The following FAM151A variants were observed in gnomAD, a reference collection of about 807,000 sequenced individuals.
The protein encoded by FAM151A is protein FAM151A.
Under a neutral mutation model 40.4 loss-of-function variants are expected in FAM151A, and 41 were observed. The observed-to-expected ratio is 1.01, with a 90% confidence interval of 0.79 to 1.32. The LOEUF (loss-of-function observed/expected upper bound fraction) is 1.32. Among genes scored for constraint, FAM151A ranks in the 40% most tolerant of loss-of-function variants. The pLI is 0.00. For synonymous variants in FAM151A, 337 were observed against 312.5 expected, an observed-to-expected ratio of 1.08 and a Z score of -0.83; for missense variants, 740 against 740.4, an observed-to-expected ratio of 1.00 and a Z score of 0.01.
rs551901825 is a variant in FAM151A, at chr1:54,609,652, C to T, written c.1374G>A (p.Val458=). 3.1e-6 allele frequency: 5 copies of T among 1,614,036 alleles called. No individual in the cohort carries two copies. In the Admixed American group the frequency reaches 8.3e-5, roughly 27 times the overall value. ...SHGSFSVPGH[V]AGRELLTAVA... The stretch of plus-strand genomic sequence containing the variant: ...CAGCTGTAAGCAGCTCTCTGCCAGC[C>T]ACATGGCCGGGGACCGAAAAACTCC... Residue 458 remains valine, a synonymous_variant, in exon 8 of 8, where the codon GTG becomes GTA. Coordinates refer to ENST00000302250, the MANE Select transcript of FAM151A (RefSeq NM_176782.3).
In FAM151A at chr1:54,616,104, G is replaced by A; in HGVS notation, c.331C>T (p.Pro111Ser). The stretch of plus-strand genomic sequence containing the variant: ...ATAGTGGGGGGGTGTGCCATGATGG[G>A]AACTCCTGTCTCATTGGCTGTGCCG... ...GLGTANETGV[P>S]IMAHPPTIYS... The change falls in exon 3 of 8, where the codon CCC becomes TCC. Residue 111 changes from proline to serine, a missense_variant. By Grantham distance (74) the Pro-to-Ser change is moderately conservative. Coordinates refer to ENST00000302250, the MANE Select transcript of FAM151A (RefSeq NM_176782.3). The A allele has an allele frequency of 6.2e-7, 1 of 1,614,138 alleles. No homozygotes were observed. Among genetic ancestry groups the A allele is most frequent in the Non-Finnish European group, 8.5e-7 (1 of 1,180,008 alleles).
In FAM151A at chr1:54,609,959, G is replaced by A. The variant is rs1310003494; in HGVS notation, c.1085-18C>T. The A allele has an allele frequency of 6.3e-7, 1 of 1,594,296 alleles. No homozygotes were observed. The highest frequency in any genetic ancestry group is 8.5e-7 in the Non-Finnish European group (1 of 1,174,994). On this transcript the variant is annotated intron_variant, in intron 7 of 7. Transcript: ENST00000302250. Reference sequence around the variant, plus strand: ...TTCTGTGTCTGGAAGAGGCGGCAGAGGCAACAGTGTTTAGGATTTGGGTTA... The same window carrying A: ...TTCTGTGTCTGGAAGAGGCGGCAGAAGCAACAGTGTTTAGGATTTGGGTTA...
rs1644131136 is a variant in FAM151A, at chr1:54,612,606, A to G, written c.680T>C (p.Met227Thr). 2 of 1,613,882 alleles carry G rather than the reference A, an allele frequency of 1.2e-6. No homozygotes were observed. Among genetic ancestry groups the G allele is most frequent in the African/African-American group, 2.7e-5 (2 of 74,860 alleles). The change falls in exon 5 of 8, where the codon ATG (methionine) becomes ACG (threonine). Residue 227 changes from methionine to threonine, a missense_variant. Transcript: ENST00000302250. ...TSPNRTYTQA[M>T]VEKMHELVGG... ...CACCAGCTCGTGCATCTTCTCCACC[A>G]TGGCTTGGGTGTACGTCCTGTTTGG...
At position 54,609,580 on chromosome 1, in the gene FAM151A, C is replaced by T. The variant is rs1644086986; in HGVS notation, c.1446G>A (p.Glu482=). Residue 482 remains glutamate, a synonymous_variant, in exon 8 of 8, where the codon GAG becomes GAA. Transcript: ENST00000302250. ...PHVTVAPGWP[E]EVLGSGYREQ... ...CCCTGTAGCCACTGCCCAGCACCTC[C>T]TCAGGCCAGCCTGGTGCCACAGTCA... 6.2e-7 allele frequency: 1 copy of T among 1,613,054 alleles called. No homozygotes were observed.
At position 54,610,262 on chromosome 1, in the gene FAM151A, C is replaced by T; in HGVS notation, c.1084+150G>A. 3.4e-6 allele frequency: 5 copies of T among 1,477,364 alleles called. No individual in the cohort carries two copies. In the Admixed American group the frequency reaches 7.4e-5, roughly 22 times the overall value. 91.5% of individuals were successfully genotyped at this position (1,477,364 alleles called of 1,614,324 possible). ...TCTTGACATCACTGTACTCCCTCTC[C>T]CTCCCCGCAACCCTGCCCCACCTTG... On this transcript the variant is annotated intron_variant, in intron 7 of 7. Coordinates refer to ENST00000302250, the MANE Select transcript of FAM151A (RefSeq NM_176782.3).
intron 4 of FAM151A, among the ~76,000 whole-genome samples, chr1:54,613,763 G>A (rs1330355307): frequency 6.6e-6 from 1 of 152,070 alleles, no homozygotes; most frequent in Non-Finnish European, 1.5e-5. Context: ...ATTTATCTTG[G>A]GCCATTGATT....
chr1:54,618,769 G>A (rs1282455504), intron 2 of FAM151A, among the ~76,000 whole-genome samples: 1 of 152,132 alleles, frequency 6.6e-6, no homozygotes, highest in Non-Finnish European at 1.5e-5. Context: ...TGTGCAGACC[G>A]TGAATTGACA....
intron 1 of FAM151A, 22 bp downstream of exon 1, chr1:54,623,256 T>A (rs765974192): frequency 1.7e-5 from 27 of 1,558,238 alleles, no homozygotes; most frequent in Middle Eastern, 3.4e-4. Context: ...CCACTCAGGA[T>A]GACATGGGGG....
chr1:54,610,625 C>T lies in FAM151A; in HGVS notation c.941-70G>A, dbSNP rs1569779864. ...GAACACCTTACCTGGTTGCTAGGGTCCCATAGGCCACAGCTCTACGGGCAT... is the reference window on the plus strand; with the variant it reads ...GAACACCTTACCTGGTTGCTAGGGTTCCATAGGCCACAGCTCTACGGGCAT... On this transcript the variant is annotated intron_variant, in intron 6 of 7. Transcript: ENST00000302250. 6 of 1,567,050 alleles carry T rather than the reference C, an allele frequency of 3.8e-6. No individual in the cohort carries two copies. The East Asian group carries it at 1.3e-4, about 35-fold the overall frequency.
chr1:54,623,510 G>T lies in FAM151A; in HGVS notation c.-115C>A. 1 of 770,074 alleles carries T rather than the reference G, an allele frequency of 1.3e-6. No individual in the cohort carries two copies. Among genetic ancestry groups the T allele is most frequent in the Non-Finnish European group, 2.2e-6 (1 of 444,686 alleles). The allele number at this position is 770,074 out of a possible 1,614,324, so 47.7% of individuals were successfully genotyped here. A position where few individuals can be genotyped will look rare whatever the true frequency, so the allele number is the denominator to read the frequency against. ...TCCCAGCAGCACCTAATTCTCCACCGGGCCTGGTCTGCTCTGCAGCCCTGT... is the reference window on the plus strand; with the variant it reads ...TCCCAGCAGCACCTAATTCTCCACCTGGCCTGGTCTGCTCTGCAGCCCTGT... On this transcript the variant is annotated 5_prime_UTR_variant, in exon 1 of 8. Coordinates refer to ENST00000302250, the MANE Select transcript of FAM151A (RefSeq NM_176782.3).
chr1:54,609,975 A>G (rs750826672), intron 7 of FAM151A, 34 bp from the exon 8 acceptor site: 1 of 1,580,476 alleles, frequency 6.3e-7, no homozygotes. Flanking sequence ...AGTGTTTAGG[A>G]TTTGGGTTAT....
rs202087836 is a variant in FAM151A, at chr1:54,616,128, C to T, written c.307G>A (p.Gly103Ser). ...LEADVNVEGL[G>S]TANETGVPIM... ...GGAACTCCTGTCTCATTGGCTGTGC[C>T]GAGCCCTTCTACATTGACGTCAGCC... The change falls in exon 3 of 8, where the codon GGC becomes AGC. Residue 103 changes from glycine (G) to serine (S), a missense_variant. Gly to Ser is a moderately conservative substitution (Grantham distance 56). Coordinates refer to ENST00000302250, the MANE Select transcript of FAM151A (RefSeq NM_176782.3). The T allele has an allele frequency of 1.5e-5, 25 of 1,614,078 alleles. No homozygotes were observed. In the East Asian group the frequency reaches 2.0e-4, roughly 13 times the overall value.
intron 6 of FAM151A, 130 bp from the exon 7 acceptor site, chr1:54,610,685 T>C: frequency 7.0e-7 from 1 of 1,428,500 alleles, no homozygotes; most frequent in Non-Finnish European, 9.2e-7. Flanking sequence ...GCCAAGTAGC[T>C]CTCATTTCCT....
chr1:54,612,691 C>G lies in FAM151A; in HGVS notation c.595G>C (p.Glu199Gln), dbSNP rs1644132168. The change falls in exon 5 of 8, where the codon GAG becomes CAG. Residue 199 changes from glutamate to glutamine, a missense_variant. Glu to Gln is a conservative substitution (Grantham distance 29, BLOSUM62 2). Transcript: ENST00000302250. ...NATQFLALVQ[E>Q]KYPKATLSPG... ...GATAGGGTAGCCTTGGGATACTTCT[C>G]CTGGACCAGGGCCAGGAACCTGCAA... is the stretch of plus-strand genomic sequence containing the variant. 1.9e-6 allele frequency: 3 copies of G among 1,613,780 alleles called. No homozygotes were observed.
rs140389767 is a variant in FAM151A at position 54,617,268 on chromosome 1, G to T, written c.263-1096C>A. Reference sequence around the variant, plus strand: ...GGCACTCACACTTGAAGAGTGTAGTGGAGGGGAGAGGGGCCGCTTTTGGCC... The same window carrying T: ...GGCACTCACACTTGAAGAGTGTAGTTGAGGGGAGAGGGGCCGCTTTTGGCC... On this transcript the variant is annotated intron_variant, in intron 2 of 7. Coordinates refer to ENST00000302250, the MANE Select transcript of FAM151A (RefSeq NM_176782.3). 3.1e-3 allele frequency among the ~76,000 whole-genome samples: 476 copies of T among 152,180 alleles called. 4 individuals are homozygous for T. Among genetic ancestry groups the T allele is most frequent in the African/African-American group, 0.01 (430 of 41,512 alleles).
At chr1:54,619,302 T>C (rs969069920) in intron 2 of FAM151A, among the ~76,000 whole-genome samples, 2 of 152,210 alleles carry the variant, frequency 1.3e-5, no homozygotes, top group Non-Finnish European at 2.9e-5. Flanking sequence ...GGGTCAAGCG[T>C]CACGCAGTGG....
intron 3 of FAM151A, among the ~76,000 whole-genome samples, chr1:54,615,121 C>G (rs1282108732): frequency 6.6e-6 from 1 of 152,122 alleles, no homozygotes; most frequent in Non-Finnish European, 1.5e-5. Context: ...CAGGTAAGGA[C>G]TTGGGCTTGT....
At chr1:54,616,317 GTTTCACATTTCGATGATTTTT>G in intron 2 of FAM151A, 145 bp from the exon 3 acceptor site, 1 of 744,460 alleles carries the variant, frequency 1.3e-6, no homozygotes, top group South Asian at 1.9e-5. Flanking sequence ...TTCCATCATA[GTTTCACATTTCGATGATTTTT>G]TTTCTTCCAT....
Position 54,619,916 on chromosome 1 carries a change from G to T in FAM151A, c.210C>A (p.Val70=). The T allele has an allele frequency of 1.2e-6, 2 of 1,614,154 alleles. No individual in the cohort carries two copies. Among genetic ancestry groups the T allele is most frequent in the South Asian group, 2.2e-5 (2 of 91,074 alleles). ...GQISRRDALE[V]TWYHAANSKK... ...TGCTGTTGGCTGCGTGGTACCAGGT[G>T]ACCTCCAAGGCATCTCGCCGGCTGA... Residue 70 remains valine (V), a synonymous_variant, in exon 2 of 8, where the codon GTC becomes GTA. Transcript: ENST00000302250.
Sources: allele counts gnomAD v4.1 joint callset (sites outside exome capture counted in the v4.1 genomes callset), GRCh38; gene constraint gnomAD v4.1.1; transcripts MANE v1.5; gene names NCBI Gene and HGNC (gene_info 2026-07-23, HGNC 2026-07-21).